TG: variants seen among roughly 807,000 people sequenced by gnomAD.
TG encodes the protein thyroid hormones.
TG carries 270 observed loss-of-function variants against 324.7 expected under a neutral mutation model. That is an observed-to-expected ratio of 0.83 (90% CI 0.75 to 0.92). The LOEUF (loss-of-function observed/expected upper bound fraction) is 0.92. TG is among the 40% of genes least tolerant of loss of function. The pLI is 0.00. For missense variants in TG, 3,591 were observed against 3,456.4 expected, an observed-to-expected ratio of 1.04 and a Z score of -0.98; for synonymous variants, 1,401 against 1,327.0, an observed-to-expected ratio of 1.06 and a Z score of -1.21.
At chr8:132,998,005 G>A (rs921150385) in intron 35 of TG, among the ~76,000 whole-genome samples, 1 of 152,160 alleles carries the variant, frequency 6.6e-6, no homozygotes, top group Non-Finnish European at 1.5e-5. Context: ...TGAAGTGTCG[G>A]TGTCGAGGGA....
At chr8:132,945,664 G>A (rs1383953596) in intron 26 of TG, among the ~76,000 whole-genome samples, 5 of 152,134 alleles carry the variant, frequency 3.3e-5, no homozygotes, top group African/African-American at 7.2e-5. Flanking sequence ...GGAGATAAAG[G>A]GGGATGGAGC....
chr8:132,923,458 G>A lies in TG; in HGVS notation c.4649G>A (p.Arg1550Lys). ...TTCTGTGTGGACGGCGAGGGGCGGA[G>A]GCTGCCATGGTGGGAAACAGAGGCC... The part of the protein sequence containing the change: ...KAFCVDGEGR[R>K]LPWWETEAPL... Residue 1550 changes from arginine (R) to lysine (K), a missense_variant, in exon 22 of 48, where the codon AGG becomes AAG. Transcript: ENST00000220616. The A allele has an allele frequency of 6.2e-7, 1 of 1,614,144 alleles. No individual in the cohort carries two copies. Among genetic ancestry groups the A allele is most frequent in the Non-Finnish European group, 8.5e-7 (1 of 1,180,026 alleles).
intron 2 of TG, 99 bp downstream of exon 2, chr8:132,868,322 T>C: frequency 2.7e-6 from 3 of 1,102,308 alleles, no homozygotes; most frequent in Non-Finnish European, 4.0e-6. Context: ...TGCAACTCCT[T>C]TGTGCATGTG....
chr8:133,081,594 A>T (rs1321805801), intron 41 of TG, among the ~76,000 whole-genome samples: 2 of 151,920 alleles, frequency 1.3e-5, no homozygotes, highest in Non-Finnish European at 2.9e-5. Context: ...AGAAGAAAAA[A>T]AAAGTAGCCG....
intron 41 of TG, chr8:133,060,346 G>T: frequency 6.5e-7 from 1 of 1,546,446 alleles, no homozygotes; most frequent in Non-Finnish European, 8.7e-7. Context: ...GATGAGATTG[G>T]TGAAGATTGG....
At chr8:132,881,469 A>G (rs935275284) in intron 5 of TG, among the ~76,000 whole-genome samples, 8 of 152,184 alleles carry the variant, frequency 5.3e-5, no homozygotes, top group African/African-American at 1.9e-4. Flanking sequence ...AATGTACCAT[A>G]TGTTTGTAAA....
chr8:132,940,223 G>GCCA, intron 25 of TG, among the ~76,000 whole-genome samples: 1 of 152,288 alleles, frequency 6.6e-6, no homozygotes, highest in Non-Finnish European at 1.5e-5. Context: ...AGGTCAGAGT[G>GCCA]GTGAAGGGCA....
intron 38 of TG, 40 bp from the exon 39 acceptor site, chr8:133,019,562 A>G: frequency 6.3e-7 from 1 of 1,577,568 alleles, no homozygotes; most frequent in Non-Finnish European, 8.7e-7. Flanking sequence ...AGGGGTGGTG[A>G]TGGAGCATGT....
intron 40 of TG, among the ~76,000 whole-genome samples, chr8:133,023,197 G>A (rs1296677670): frequency 6.6e-6 from 1 of 152,238 alleles, no homozygotes; most frequent in Non-Finnish European, 1.5e-5. Context: ...TGACCACATG[G>A]CATGAGGCCT....
intron 43 of TG, among the ~76,000 whole-genome samples, chr8:133,110,978 C>T (rs183138438): frequency 6.6e-6 from 1 of 152,318 alleles, no homozygotes; most frequent in African/African-American, 2.4e-5. Context: ...CATATGAATA[C>T]ACACAATACA....
At chr8:133,070,232 C>T (rs968048825) in intron 41 of TG, among the ~76,000 whole-genome samples, 2 of 151,944 alleles carry the variant, frequency 1.3e-5, no homozygotes, top group South Asian at 2.1e-4. Context: ...TCTCTGAGGA[C>T]GGAGTAGGAA....
chr8:133,128,717 G>T (rs949113055), intron 45 of TG, among the ~76,000 whole-genome samples: 9 of 152,172 alleles, frequency 5.9e-5, no homozygotes, highest in African/African-American at 1.9e-4. Flanking sequence ...GGCCCTGGGC[G>T]TAGGATGAGC....
intron 27 of TG, among the ~76,000 whole-genome samples, chr8:132,951,642 G>A (rs1826115726): frequency 1.3e-5 from 2 of 152,034 alleles, no homozygotes; most frequent in Admixed American, 1.3e-4. Context: ...TGTGGGTGAG[G>A]GCAAGGCTTT....
chr8:132,899,378 GA>G (rs1817600020), intron 14 of TG, among the ~76,000 whole-genome samples: 1 of 152,162 alleles, frequency 6.6e-6, no homozygotes, highest in Non-Finnish European at 1.5e-5. Context: ...AGCTCCTAGA[GA>G]ACGAATTTAT....
chr8:132,879,022 C>G (rs1460387766), intron 5 of TG, among the ~76,000 whole-genome samples: 1 of 152,200 alleles, frequency 6.6e-6, no homozygotes, highest in Non-Finnish European at 1.5e-5. Context: ...AAGGAGGAGG[C>G]TGAAAGCATG....
Position 133,133,491 on chromosome 8 carries a change from G to T in TG, c.8019G>T (p.Glu2673Asp). Residue 2673 changes from glutamate to aspartate, a missense_variant, in exon 47 of 48, where the codon GAG (glutamate) becomes GAT (aspartate). By Grantham distance (45) the Glu-to-Asp change is conservative. Transcript: ENST00000220616. ...CCAGAAATCCCAACTACCCTTATGA[G>T]TTCTCACGGAAAGTACCCACATTTG... ...IRSGNPNYPY[E>D]FSRKVPTFAT... 6.2e-7 allele frequency: 1 copy of T among 1,614,190 alleles called. No individual in the cohort carries two copies. Among genetic ancestry groups the T allele is most frequent in the Non-Finnish European group, 8.5e-7 (1 of 1,180,036 alleles).
intron 5 of TG, among the ~76,000 whole-genome samples, chr8:132,878,724 A>G (rs996475552): frequency 5.3e-5 from 8 of 152,086 alleles, no homozygotes; most frequent in Non-Finnish European, 1.0e-4. Flanking sequence ...GTGACTACCA[A>G]TATCTCAGTT....
chr8:133,058,952 C>A, intron 41 of TG: 1 of 480,206 alleles, frequency 2.1e-6, no homozygotes, highest in Non-Finnish European at 4.2e-6. Context: ...GGCATGCTGG[C>A]TTGGGGGCAT....
In TG at chr8:132,920,466, A is replaced by G. The variant is rs563458858; in HGVS notation, c.4528+941A>G. Among the ~76,000 whole-genome samples, 38 of 152,336 alleles carry G rather than the reference A, an allele frequency of 2.5e-4. 1 individual carries two copies. The highest frequency in any genetic ancestry group is 2.3e-3 in the Admixed American group (35 of 15,310). ...AGTAATTCCAATAAAATAAAAGTAA[A>G]AGGAATTTTATAGGCTGAGAGTCTG... On this transcript the variant is annotated intron_variant, in intron 21 of 47. Coordinates refer to ENST00000220616, the MANE Select transcript of TG (RefSeq NM_003235.5).
Sources: gnomAD v4.1 joint callset for allele counts (sites outside exome capture counted in the v4.1 genomes callset) on GRCh38, gnomAD v4.1.1 for gene constraint, MANE v1.5 for transcripts, NCBI Gene and HGNC (gene_info 2026-07-23, HGNC 2026-07-21) for gene names.